Variants in LRIF1 observed in about 807,000 individuals in gnomAD.
The protein encoded by LRIF1 is ligand-dependent nuclear receptor-interacting factor 1.
LRIF1 carries 32 observed loss-of-function variants against 52.7 expected under a neutral mutation model. The ratio of observed to expected loss-of-function variants is 0.61; its 90% CI spans 0.46 to 0.82. LRIF1 has a LOEUF of 0.82. LRIF1 is among the 40% of genes least tolerant of loss of function. The pLI, the probability that LRIF1 is intolerant of heterozygous loss-of-function variation, is 0.00. For missense variants in LRIF1, 887 were observed against 892.0 expected, an observed-to-expected ratio of 0.99 and a Z score of 0.07; for synonymous variants, 323 against 317.4, an observed-to-expected ratio of 1.02 and a Z score of -0.19.
At position 110,952,706 on chromosome 1, in the gene LRIF1, G is replaced by C. The variant is rs1347162472; in HGVS notation, c.178C>G (p.Gln60Glu). The part of the protein sequence containing the change: ...KSSGNLIPLV[Q>E]SSVMSDALKG... Reference sequence around the variant, plus strand: ...AAAGCATCAGACATGACTGAAGATTGAACTAGTGGTATAAGATTTCCAGAA... The same window carrying C: ...AAAGCATCAGACATGACTGAAGATTCAACTAGTGGTATAAGATTTCCAGAA... The change falls in exon 2 of 4, where the codon CAA becomes GAA. Residue 60 changes from glutamine (Q) to glutamate (E), a missense_variant. By Grantham distance (29) the Gln-to-Glu change is conservative. Transcript: ENST00000369763. 3.7e-6 allele frequency: 6 copies of C among 1,613,944 alleles called. No individual in the cohort carries two copies. The highest frequency in any genetic ancestry group is 5.1e-6 in the Non-Finnish European group (6 of 1,179,928).
chr1:110,912,713 C>A, the LRIF1 span, among the ~76,000 whole-genome samples: 1 of 152,150 alleles, frequency 6.6e-6, no homozygotes, highest in Non-Finnish European at 1.5e-5. Flanking sequence ...ATTCCATGCT[C>A]ATAGATAGGA....
At chr1:110,925,642 A>G in the LRIF1 span, among the ~76,000 whole-genome samples, 1 of 152,208 alleles carries the variant, frequency 6.6e-6, no homozygotes, top group African/African-American at 2.4e-5. Context: ...ATAAGACAAA[A>G]AAAGAGAGAT....
the LRIF1 span, among the ~76,000 whole-genome samples, chr1:110,886,735 C>G: frequency 3.3e-5 from 5 of 151,450 alleles, no homozygotes; most frequent in African/African-American, 1.2e-4. Context: ...GTGGTCCCAG[C>G]TACTCGGGAG....
chr1:110,952,455 A>G lies in LRIF1; in HGVS notation c.429T>C (p.Asp143=). Residue 143 remains aspartate, a synonymous_variant, in exon 2 of 4, where the codon GAT becomes GAC. Transcript: ENST00000369763. ...CAGCAAATGTTTGCATGGTGAGTCCATCAATTTTCACACCATGACTCTGAA... is the reference window on the plus strand; with the variant it reads ...CAGCAAATGTTTGCATGGTGAGTCCGTCAATTTTCACACCATGACTCTGAA... ...SKVQSHGVKI[D]GLTMQTFAVP... is the part of the protein sequence containing the mutation. The G allele has an allele frequency of 6.2e-7, 1 of 1,612,296 alleles. No individual in the cohort carries two copies. The highest frequency in any genetic ancestry group is 8.5e-7 in the Non-Finnish European group (1 of 1,178,434).
chr1:110,952,674 C>G lies in LRIF1; in HGVS notation c.210G>C (p.Gly70=). The G allele has an allele frequency of 1.9e-6, 3 of 1,614,050 alleles. No homozygotes were observed. ...QSSVMSDALK[G]NTGKPVQVTF... is the part of the protein sequence containing the mutation. ...TAACTTGAACTGGTTTTCCTGTATTCCCTTTCAAAGCATCAGACATGACTG... is the reference window on the plus strand; with the variant it reads ...TAACTTGAACTGGTTTTCCTGTATTGCCTTTCAAAGCATCAGACATGACTG... The change falls in exon 2 of 4, where the codon GGG becomes GGC. Residue 70 remains glycine (G), a synonymous_variant. Coordinates refer to ENST00000369763, the MANE Select transcript of LRIF1 (RefSeq NM_018372.4).
At chr1:110,955,487 C>T (rs143383776) in intron 1 of LRIF1, among the ~76,000 whole-genome samples, 47 of 152,174 alleles carry the variant, frequency 3.1e-4, no homozygotes, top group Non-Finnish European at 5.1e-4. Context: ...TTCTTAGAGT[C>T]GTAGGAAGAA....
At chr1:110,887,969 T>C in the LRIF1 span, among the ~76,000 whole-genome samples, 689 of 152,330 alleles carry the variant, frequency 4.5e-3, 4 homozygotes, top group African/African-American at 0.016. Context: ...AGCCAGGTGG[T>C]TCTTATCTAA....
chr1:110,898,988 G>A, the LRIF1 span: 2 of 634,368 alleles, frequency 3.2e-6, no homozygotes, highest in Non-Finnish European at 5.5e-6. Context: ...GCTCCTGAGA[G>A]AGACTTGAAA....
the LRIF1 span, among the ~76,000 whole-genome samples, chr1:110,889,405 A>C: frequency 1.3e-5 from 2 of 151,962 alleles, no homozygotes; most frequent in Non-Finnish European, 2.9e-5. Flanking sequence ...AAAAAAATAC[A>C]AAAATTAGCC....
the LRIF1 span, among the ~76,000 whole-genome samples, chr1:110,931,357 G>T: frequency 3.9e-5 from 6 of 152,076 alleles, no homozygotes; most frequent in African/African-American, 1.4e-4. Context: ...GTGTATATGT[G>T]CCACATTTTC....
At chr1:110,884,769 T>C in the LRIF1 span, among the ~76,000 whole-genome samples, 1 of 152,140 alleles carries the variant, frequency 6.6e-6, no homozygotes, top group African/African-American at 2.4e-5. Context: ...AGCCTTTTTT[T>C]CCCTTTTATT....
chr1:110,876,028 A>G, the LRIF1 span, among the ~76,000 whole-genome samples: 4 of 152,210 alleles, frequency 2.6e-5, no homozygotes, highest in African/African-American at 9.7e-5. Context: ...AGAAAATATG[A>G]CACAAGCATA....
At position 110,956,727 on chromosome 1, in the gene LRIF1, C is replaced by T. The variant is rs543138277; in HGVS notation, c.69-3912G>A. On this transcript the variant is annotated intron_variant, in intron 1 of 3. Transcript: ENST00000369763. ...TGAGGTGACAAAGAGATTATCCATACGGATATTGAAATCACATGAGGGAAG... is the reference window on the plus strand; with the variant it reads ...TGAGGTGACAAAGAGATTATCCATATGGATATTGAAATCACATGAGGGAAG... Among the ~76,000 whole-genome samples the T allele has an allele frequency of 7.9e-5, 12 of 152,238 alleles. No homozygotes were observed. The East Asian group carries it at 1.9e-3, about 24-fold the overall frequency.
At chr1:110,925,324 C>G in the LRIF1 span, among the ~76,000 whole-genome samples, 1 of 152,194 alleles carries the variant, frequency 6.6e-6, no homozygotes, top group Non-Finnish European at 1.5e-5. Context: ...GCAACTCTTT[C>G]CTCAGGTCAG....
the LRIF1 span, among the ~76,000 whole-genome samples, chr1:110,875,342 C>G: frequency 6.6e-6 from 1 of 152,156 alleles, no homozygotes; most frequent in Non-Finnish European, 1.5e-5. Flanking sequence ...AGGTCCAGCT[C>G]TGGGTGGGGC....
At chr1:110,924,246 T>A in the LRIF1 span, among the ~76,000 whole-genome samples, 1 of 151,972 alleles carries the variant, frequency 6.6e-6, no homozygotes, top group African/African-American at 2.4e-5. Context: ...ATAAAGAAAA[T>A]CTAGTCCCAA....
At chr1:110,909,829 C>T in the LRIF1 span, among the ~76,000 whole-genome samples, 15 of 152,090 alleles carry the variant, frequency 9.9e-5, no homozygotes, top group South Asian at 2.1e-4. Flanking sequence ...GATCCACCCA[C>T]CTCTGCCTCC....
At chr1:110,944,931 C>T (rs536853320), downstream of LRIF1, 32 of 148,942 alleles carry the variant, frequency 2.1e-4, no homozygotes, top group African/African-American at 7.7e-4. Context: ...TGTTCTCACT[C>T]TGTCAACCAG....
the LRIF1 span, among the ~76,000 whole-genome samples, chr1:110,886,597 C>T: frequency 6.6e-5 from 10 of 152,038 alleles, no homozygotes; most frequent in African/African-American, 2.2e-4. Context: ...ACCTGTAATC[C>T]CAGCACTTTG....
Sources: gnomAD v4.1 joint callset for allele counts (sites outside exome capture counted in the v4.1 genomes callset) on GRCh38, gnomAD v4.1.1 for gene constraint, MANE v1.5 for transcripts, NCBI Gene and HGNC (gene_info 2026-07-23, HGNC 2026-07-21) for gene names.